The following SLC13A5 variants were observed in gnomAD, a reference collection of about 807,000 sequenced individuals.
SLC13A5 encodes Na(+)/citrate cotransporter.
In SLC13A5, 25 loss-of-function variants were observed where a neutral mutation model predicts 56.5. The observed-to-expected ratio is 0.44, with a 90% CI of 0.32 to 0.62. The LOEUF is 0.62. SLC13A5 is among the 20% of genes least tolerant of loss of function. SLC13A5 has a pLI of 0.04. For missense variants in SLC13A5, 649 were observed against 737.8 expected, an observed-to-expected ratio of 0.88 and a Z score of 1.39; for synonymous variants, 307 against 301.5, an observed-to-expected ratio of 1.02 and a Z score of -0.19.
chr17:6,705,611 A>G (rs192989809), intron 3 of SLC13A5: 1 of 152,256 alleles, frequency 6.6e-6, no homozygotes, highest in East Asian at 1.9e-4. Flanking sequence ...GAGAGCCACA[A>G]AGTCCCCTGC....
In SLC13A5 at chr17:6,707,042, G is replaced by A; in HGVS notation, c.217C>T (p.Leu73=). The A allele has an allele frequency of 6.2e-7, 1 of 1,614,002 alleles. No homozygotes were observed. Among genetic ancestry groups the A allele is most frequent in the Admixed American group, 1.7e-5 (1 of 60,022 alleles). Residue 73 remains leucine, a synonymous_variant, in exon 2 of 12, where the codon CTG becomes TTG. Transcript: ENST00000433363. The part of the protein sequence containing the change: ...PVLLFPLFQI[L]DSRQVCVQYM... ...GGTCTGCTCACCTGCCTGGAGTCCA[G>A]AATCTGGAAGAGTGGGAAAAGCAAG... is the stretch of plus-strand genomic sequence containing the variant.
chr17:6,694,029 T>C (rs1973489110), intron 8 of SLC13A5, 68 bp downstream of exon 8: 1 of 1,043,484 alleles, frequency 9.6e-7, no homozygotes, highest in East Asian at 2.6e-5. Context: ...GCCCAAGGCA[T>C]CCCATAGTGA....
intron 8 of SLC13A5, 135 bp from the exon 9 acceptor site, chr17:6,693,297 T>A: frequency 1.7e-6 from 1 of 596,380 alleles, no homozygotes. Flanking sequence ...GACAATGAGG[T>A]ACCATCTCCT....
At position 6,685,961 on chromosome 17, in the gene SLC13A5, G is replaced by C. The variant is rs1183457021; in HGVS notation, c.*246C>G. 1 of 528,282 alleles carries C rather than the reference G, an allele frequency of 1.9e-6. No individual in the cohort carries two copies. The highest frequency in any genetic ancestry group is 3.4e-6 in the Non-Finnish European group (1 of 296,112). 32.7% of individuals were successfully genotyped at this position (528,282 alleles called of 1,614,324 possible). Reference sequence around the variant, plus strand: ...CCTCACAGAGATAATGGCAAGGCTTGGGAAAGATGGGTCCAGCAGCCCACT... The same window carrying C: ...CCTCACAGAGATAATGGCAAGGCTTCGGAAAGATGGGTCCAGCAGCCCACT... On this transcript the variant is annotated 3_prime_UTR_variant, in exon 12 of 12. Coordinates refer to ENST00000433363, the MANE Select transcript of SLC13A5 (RefSeq NM_177550.5). The surrounding 1 kb of genome is among the most constrained non-coding windows in gnomAD (Gnocchi z 4.2).
In SLC13A5 at chr17:6,687,772, G is replaced by A; in HGVS notation, c.1438-106C>T. 1 of 1,370,502 alleles carries A rather than the reference G, an allele frequency of 7.3e-7. No homozygotes were observed. The highest frequency in any genetic ancestry group is 9.6e-7 in the Non-Finnish European group (1 of 1,041,806). The allele number at this position is 1,370,502 out of a possible 1,614,324, so 84.9% of individuals were successfully genotyped here. ...ATGTGCCGGGTACGTTTGAACCTCT[G>A]TGCCTCAGTCTTGGTTCCTCTCCCT... On this transcript the variant is annotated intron_variant, in intron 10 of 11. Coordinates refer to ENST00000433363, the MANE Select transcript of SLC13A5 (RefSeq NM_177550.5). This position sits in a 1 kb window ranked among gnomAD's most constrained non-coding sequence, Gnocchi z 5.0.
At chr17:6,691,013 G>A (rs1973394672) in intron 9 of SLC13A5, 73 bp from the exon 10 acceptor site, 8 of 1,518,516 alleles carry the variant, frequency 5.3e-6, no homozygotes, top group Non-Finnish European at 6.2e-6. Context: ...GGCAAGCTTG[G>A]CCCATCCTCC....
At chr17:6,695,483 G>A in intron 7 of SLC13A5, 1 of 435,446 alleles carries the variant, frequency 2.3e-6, no homozygotes, top group Non-Finnish European at 4.2e-6. Flanking sequence ...TCTGCCTCCT[G>A]GGTTCAAGTG....
chr17:6,708,979 T>C (rs1597680320), intron 1 of SLC13A5, among the ~76,000 whole-genome samples: 1 of 148,238 alleles, frequency 6.7e-6, no homozygotes, highest in South Asian at 2.1e-4. Context: ...TCTTTCTCTC[T>C]CGCTCTTTTA....
At chr17:6,705,921 C>T (rs1284448437) in intron 3 of SLC13A5, among the ~76,000 whole-genome samples, 4 of 152,234 alleles carry the variant, frequency 2.6e-5, no homozygotes, top group Non-Finnish European at 5.9e-5. Flanking sequence ...CTTTATCCCT[C>T]TCTGCCTCCA....
chr17:6,711,524 TTGTGTTTTTTG>T lies in SLC13A5; in HGVS notation c.102+1697_102+1707del, dbSNP rs1974026256. Among the ~76,000 whole-genome samples the T allele has an allele frequency of 7.1e-6, 1 of 140,684 alleles. No individual in the cohort carries two copies. Among genetic ancestry groups the T allele is most frequent in the African/African-American group, 2.6e-5 (1 of 38,138 alleles). The allele number at this position is 140,684 out of a possible 152,430, so 92.3% of individuals were successfully genotyped here. On this transcript the variant is annotated intron_variant, in intron 1 of 11. Transcript: ENST00000433363. The surrounding 1 kb of genome is among the most constrained non-coding windows in gnomAD (Gnocchi z 4.0). ...TGTGTGTGTATGTGTATGTGTGTGT[TTGTGTTTTTTG>T]TGTGTTTTGTGTGTGTGTTTGTGTG...
At chr17:6,700,419 C>T (rs968277264) in intron 6 of SLC13A5, among the ~76,000 whole-genome samples, 5 of 152,116 alleles carry the variant, frequency 3.3e-5, no homozygotes, top group African/African-American at 9.7e-5. Context: ...TTAAACTCCC[C>T]GTGCATTGAG....
intron 7 of SLC13A5, among the ~76,000 whole-genome samples, 192 bp from the exon 8 acceptor site, chr17:6,694,389 C>T (rs565500377): frequency 2.8e-4 from 43 of 152,192 alleles, no homozygotes; most frequent in Admixed American, 8.5e-4. Flanking sequence ...GAGGCTGAGG[C>T]GGGCGGATCA....
At position 6,690,881 on chromosome 17, in the gene SLC13A5, C is replaced by G. The variant is rs138802643; in HGVS notation, c.1335G>C (p.Pro445=). The G allele has an allele frequency of 1.1e-5, 17 of 1,614,054 alleles. No individual in the cohort carries two copies. Among genetic ancestry groups the G allele is most frequent in the Middle Eastern group, 3.3e-4 (2 of 6,084 alleles). ...KQMEPLHAVP[P]AAITLILSLL... ...AGGACAAGATCAAGGTGATGGCTGCCGGGGGCACTGCGTGCAAGGGCTCCA... is the reference window on the plus strand; with the variant it reads ...AGGACAAGATCAAGGTGATGGCTGCGGGGGGCACTGCGTGCAAGGGCTCCA... Residue 445 remains proline (P), a synonymous_variant, in exon 10 of 12, where the codon CCG becomes CCC. Transcript: ENST00000433363.
intron 3 of SLC13A5, 178 bp from the exon 4 acceptor site, chr17:6,704,234 C>G: frequency 2.7e-6 from 2 of 728,316 alleles, no homozygotes; most frequent in South Asian, 3.0e-5. Flanking sequence ...TCCCTCCTTC[C>G]CTTCTTTGCT....
Position 6,686,288 on chromosome 17 carries a change from C to CA in SLC13A5, c.1625dup (p.Leu542PhefsTer12). On this transcript the variant is annotated frameshift_variant, in exon 12 of 12. Coordinates refer to ENST00000433363, the MANE Select transcript of SLC13A5 (RefSeq NM_177550.5). LOFTEE classifies it high-confidence loss of function. Reference sequence around the variant, plus strand: ...TGGCCCGTCCCCAGGTGTTGACAGCCAAAAACACACAGAAGACTCCAATTA... The same window carrying CA: ...TGGCCCGTCCCCAGGTGTTGACAGCCAAAAAACACACAGAAGACTCCAATTA... 6.2e-7 allele frequency: 1 copy of CA among 1,614,078 alleles called. No individual in the cohort carries two copies.
intron 11 of SLC13A5, 122 bp from the exon 12 acceptor site, chr17:6,686,460 G>C: frequency 7.6e-7 from 1 of 1,310,716 alleles, no homozygotes; most frequent in Non-Finnish European, 1.1e-6. Context: ...CCCTGGCTGG[G>C]GTGTCCCGAC....
intron 2 of SLC13A5, 88 bp from the exon 3 acceptor site, chr17:6,706,866 C>A: frequency 6.3e-7 from 1 of 1,580,214 alleles, no homozygotes; most frequent in Non-Finnish European, 8.6e-7. Context: ...TCAGGGACAG[C>A]TTGGAGTGGG....
intron 1 of SLC13A5, among the ~76,000 whole-genome samples, chr17:6,710,149 A>G (rs970951850): frequency 6.6e-6 from 1 of 152,222 alleles, no homozygotes; most frequent in Non-Finnish European, 1.5e-5. Context: ...GGCAGCCACT[A>G]ACTTCCTTGG....
At chr17:6,709,453 A>G (rs1169700718) in intron 1 of SLC13A5, among the ~76,000 whole-genome samples, 1 of 152,066 alleles carries the variant, frequency 6.6e-6, no homozygotes, top group Non-Finnish European at 1.5e-5. Flanking sequence ...TATTTTTAGT[A>G]GAGAGGGGAT....
Sources: allele counts gnomAD v4.1 joint callset (sites outside exome capture counted in the v4.1 genomes callset), GRCh38; gene constraint gnomAD v4.1.1; non-coding constraint Gnocchi (gnomAD v3.1); transcripts MANE v1.5; gene names NCBI Gene and HGNC (gene_info 2026-07-23, HGNC 2026-07-21).